Variants in EPX observed in about 807,000 individuals in gnomAD.
The protein encoded by EPX is eosinophil peroxidase.
In EPX, 60 loss-of-function variants were observed where a neutral mutation model predicts 73.0. That is an observed-to-expected ratio of 0.82 (90% CI 0.67 to 1.02). The LOEUF is 1.02. EPX is among the 50% of genes least tolerant of loss of function. EPX has a pLI of 0.00. For synonymous variants in EPX, 347 were observed against 389.2 expected (o/e 0.89, Z 1.28); for missense variants, 950 against 973.9 (o/e 0.98, Z 0.33).
rs142436605 is a variant in EPX at position 58,199,168 on chromosome 17, G to A, written c.1249G>A (p.Glu417Lys). The A allele has an allele frequency of 6.2e-7, 1 of 1,614,024 alleles. No homozygotes were observed. Among genetic ancestry groups the A allele is most frequent in the African/African-American group, 1.3e-5 (1 of 74,930 alleles). ...PRWNGDKLYN[E>K]ARKIMGAMVQ... ...GTGGAATGGAGACAAACTGTACAAT[G>A]AGGCTCGGAAGATCATGGGGGCCAT... Residue 417 changes from glutamate (E) to lysine (K), a missense_variant, in exon 8 of 13, where the codon GAG (glutamate) becomes AAG (lysine). Transcript: ENST00000225371.
chr17:58,202,599 CCT>C, intron 10 of EPX: 1 of 244,506 alleles, frequency 4.1e-6, no homozygotes, highest in African/African-American at 2.2e-5. Context: ...CTATGCAGGA[CCT>C]CTCATATCAA....
chr17:58,196,029 CTTTCTTTCTTTCTT>C lies in EPX; in HGVS notation c.801+871_801+884del, dbSNP rs1042866254. 5.3e-4 allele frequency among the ~76,000 whole-genome samples: 67 copies of C among 127,472 alleles called. No homozygotes were observed. The East Asian group carries it at 7.5e-3, about 14-fold the overall frequency. The allele number at this position is 127,472 out of a possible 152,430, so 83.6% of individuals were successfully genotyped here. A position where few individuals can be genotyped will look rare whatever the true frequency, so the allele number is the denominator to read the frequency against. ...CTTCCTTCCTTCATTTCCTTCCTTC[CTTTCTTTCTTTCTT>C]TTTCTTTCTTTTTCTTTCTTCCGTC... On this transcript the variant is annotated intron_variant, in intron 6 of 12. Transcript: ENST00000225371.
rs1176056530 is a variant in EPX at position 58,193,407 on chromosome 17, C to T, written c.207C>T (p.Pro69=). 1.2e-6 allele frequency: 2 copies of T among 1,614,104 alleles called. No individual in the cohort carries two copies. The highest frequency in any genetic ancestry group is 3.3e-5 in the Admixed American group (2 of 59,998). Residue 69 remains proline, a synonymous_variant, in exon 3 of 13, where the codon CCC becomes CCT. Transcript: ENST00000225371. ...GGCTTCGCAGCGGTTCAGCCAGCCC[C>T]ATGGACCTCCTGTCCTACTTCAAAC... ...KQRLRSGSAS[P]MDLLSYFKQP... is the part of the protein sequence containing the mutation.
At position 58,193,035 on chromosome 17, in the gene EPX, C is replaced by T. The variant is rs765055737; in HGVS notation, c.77-3C>T. The T allele has an allele frequency of 1.9e-6, 3 of 1,609,420 alleles. No individual in the cohort carries two copies. Among genetic ancestry groups the T allele is most frequent in the East Asian group, 2.2e-5 (1 of 44,854 alleles). ...AACCCTGAGTCCCCATCTCTTTGAA[C>T]AGCCTCCCCTGGGGCAGTGGAGACC... is the stretch of plus-strand genomic sequence containing the variant. On this transcript the variant is annotated splice_polypyrimidine_tract_variant and splice_region_variant and intron_variant, in intron 1 of 12. Coordinates refer to ENST00000225371, the MANE Select transcript of EPX (RefSeq NM_000502.6).
chr17:58,203,857 G>A (rs918850880), intron 11 of EPX, among the ~76,000 whole-genome samples: 68 of 141,210 alleles, frequency 4.8e-4, no homozygotes, highest in African/African-American at 1.7e-3. Context: ...GCGTGAACCC[G>A]GGAGGCGGAG....
chr17:58,198,105 G>A (rs1442601834), intron 7 of EPX, among the ~76,000 whole-genome samples: 2 of 152,148 alleles, frequency 1.3e-5, no homozygotes, highest in Non-Finnish European at 2.9e-5. Flanking sequence ...CAAAGTGTTG[G>A]GATTACAGGT....
At chr17:58,203,053 G>A (rs748609873) in intron 10 of EPX, 28 bp from the exon 11 acceptor site, 42 of 1,536,072 alleles carry the variant, frequency 2.7e-5, no homozygotes, top group African/African-American at 4.1e-5. Context: ...CAGCAAGACT[G>A]AAGCTGCTTC....
intron 10 of EPX, among the ~76,000 whole-genome samples, chr17:58,201,510 C>T (rs549608344): frequency 1.3e-5 from 2 of 152,316 alleles, no homozygotes; most frequent in Admixed American, 1.3e-4. Context: ...ATTGCCAGAA[C>T]CTGCCGCCGC....
In EPX at chr17:58,194,054, ACCC is replaced by A. The variant is rs1449239369; in HGVS notation, c.559_561del (p.Pro187del). On this transcript the variant is annotated inframe_deletion, in exon 5 of 13. Transcript: ENST00000225371. ...TGGGCTGTCGCTCCCCTTCGGCTGG[ACCC>A]CCAGCAGGAGGCGCAATGGCTTCCT... The A allele has an allele frequency of 1.2e-6, 2 of 1,612,950 alleles. No individual in the cohort carries two copies. Among genetic ancestry groups the A allele is most frequent in the Non-Finnish European group, 1.7e-6 (2 of 1,179,928 alleles).
At chr17:58,204,529 G>A (rs1479721461) in intron 12 of EPX, 95 bp downstream of exon 12, 1 of 757,644 alleles carries the variant, frequency 1.3e-6, no homozygotes, top group Non-Finnish European at 2.3e-6. Context: ...TCTAAGCAGA[G>A]AAAACAGAAC....
rs764554374 is a variant in EPX at position 58,199,741 on chromosome 17, C to T, written c.1484C>T (p.Ser495Leu). The T allele has an allele frequency of 1.2e-5, 19 of 1,614,068 alleles. No individual in the cohort carries two copies. In the African/African-American group the frequency reaches 1.3e-4, roughly 11 times the overall value. ...CAGTACCGGGCCTCCGCACCCAACTCGCATGTCCCACTTAGCTCTGCCTTC... is the reference window on the plus strand; with the variant it reads ...CAGTACCGGGCCTCCGCACCCAACTTGCATGTCCCACTTAGCTCTGCCTTC... ...DSQYRASAPN[S>L]HVPLSSAFFA... The change falls in exon 9 of 13, where the codon TCG becomes TTG. Residue 495 changes from serine to leucine, a missense_variant. Transcript: ENST00000225371.
chr17:58,195,115 C>T lies in EPX; in HGVS notation c.746C>T (p.Ala249Val). 1.2e-6 allele frequency: 2 copies of T among 1,614,140 alleles called. No homozygotes were observed. The highest frequency in any genetic ancestry group is 1.7e-6 in the Non-Finnish European group (2 of 1,179,966). Residue 249 changes from alanine to valine, a missense_variant, in exon 6 of 13, where the codon GCA becomes GTA. Coordinates refer to ENST00000225371, the MANE Select transcript of EPX (RefSeq NM_000502.6). ...PESPARVAFT[A>V]GVDCERTCAQ... ...TCCCCGGCCAGAGTGGCCTTCACTG[C>T]AGGCGTTGACTGTGAGAGGACCTGC...
Position 58,199,021 on chromosome 17 carries a change from T to C in EPX, c.1121-19T>C. The C allele has an allele frequency of 1.2e-6, 2 of 1,612,742 alleles. No individual in the cohort carries two copies. Among genetic ancestry groups the C allele is most frequent in the South Asian group, 1.1e-5 (1 of 91,082 alleles). The stretch of plus-strand genomic sequence containing the variant: ...TCTCTGGGAAAGGCTGCAGTAAATC[T>C]GAGCTTGGGGTTTTCAAGGTGACAC... On this transcript the variant is annotated intron_variant, in intron 7 of 12. Transcript: ENST00000225371.
Position 58,203,096 on chromosome 17 carries a change from G to A in EPX, c.1724G>A (p.Arg575Lys), listed in dbSNP as rs767336456. ...TCCCCTGCAGGGTACAATGCTTGGA[G>A]GCGCTTCTGTGGGCTCTCCCAGCCC... ...DHGLPGYNAW[R>K]RFCGLSQPRN... Residue 575 changes from arginine to lysine, a missense_variant, in exon 11 of 13, where the codon AGG (arginine) becomes AAG (lysine). Transcript: ENST00000225371. 21 of 1,613,838 alleles carry A rather than the reference G, an allele frequency of 1.3e-5. No homozygotes were observed. The highest frequency in any genetic ancestry group is 1.7e-6 in the Non-Finnish European group (2 of 1,179,854).
Position 58,203,247 on chromosome 17 carries a change from G to A in EPX, c.1875G>A (p.Pro625=), listed in dbSNP as rs781695527. The change falls in exon 11 of 13, where the codon CCG becomes CCA. Residue 625 remains proline (P), a synonymous_variant. Transcript: ENST00000225371. ...WIGAIAEPLL[P]GARVGPLLAC... ...GGGCCATCGCTGAGCCTCTTTTGCC[G>A]GGGGCTCGAGTGGGGCCTCTTCTGG... 1.4e-5 allele frequency: 22 copies of A among 1,614,024 alleles called. No individual in the cohort carries two copies. The highest frequency in any genetic ancestry group is 1.6e-4 in the Middle Eastern group (1 of 6,062).
chr17:58,195,388 A>C (rs1968241837), intron 6 of EPX, among the ~76,000 whole-genome samples: 2 of 152,200 alleles, frequency 1.3e-5, no homozygotes, highest in African/African-American at 4.8e-5. Flanking sequence ...GGCTCAGGTC[A>C]GGCTTCATGG....
intron 7 of EPX, among the ~76,000 whole-genome samples, chr17:58,198,121 C>T (rs1968287522): frequency 6.6e-6 from 1 of 152,204 alleles, no homozygotes; most frequent in African/African-American, 2.4e-5. Flanking sequence ...CAGGTGTGAG[C>T]CACCACGCCC....
At position 58,199,812 on chromosome 17, in the gene EPX, G is replaced by A. The variant is rs995260689; in HGVS notation, c.1537+18G>A. On this transcript the variant is annotated intron_variant, in intron 9 of 12. Coordinates refer to ENST00000225371, the MANE Select transcript of EPX (RefSeq NM_000502.6). ...GTATGAAGGTGACCAGGTTTTCCAG[G>A]GGGCAAATGGGGGTGAGGGTGGGGA... is the stretch of plus-strand genomic sequence containing the variant. 4.4e-6 allele frequency: 7 copies of A among 1,607,150 alleles called. No individual in the cohort carries two copies. In the Admixed American group the frequency reaches 1.0e-4, roughly 23 times the overall value.
intron 5 of EPX, 60 bp from the exon 6 acceptor site, chr17:58,194,904 C>A: frequency 7.5e-7 from 1 of 1,331,010 alleles, no homozygotes; most frequent in Non-Finnish European, 1.1e-6. Context: ...CCTGGGTTGG[C>A]TCTAATACCT....
Sources: allele counts gnomAD v4.1 joint callset (sites outside exome capture counted in the v4.1 genomes callset), GRCh38; gene constraint gnomAD v4.1.1; transcripts MANE v1.5; gene names NCBI Gene and HGNC (gene_info 2026-07-23, HGNC 2026-07-21).